Variants in MGAT4C observed in about 807,000 individuals in gnomAD.
The protein encoded by MGAT4C is alpha-1,3-mannosyl-glycoprotein 4-beta-N-acetylglucosaminyltransferase C.
A neutral mutation model predicts 40.1 loss-of-function variants in MGAT4C; 19 were observed. The observed-to-expected ratio is 0.47, with a 90% confidence interval of 0.33 to 0.70. The LOEUF is 0.70. Ranked by LOEUF, MGAT4C falls within the 30% of genes least tolerant of loss-of-function variation. The pLI, the probability that MGAT4C is intolerant of heterozygous loss-of-function variation, is 0.02. For synonymous variants in MGAT4C, 181 were observed against 187.1 expected, an observed-to-expected ratio of 0.97 and a Z score of 0.27; for missense variants, 491 against 563.2, an observed-to-expected ratio of 0.87 and a Z score of 1.30.
intron 3 of MGAT4C, among the ~76,000 whole-genome samples, chr12:86,387,050 TG>T (rs1956065088): frequency 6.6e-6 from 1 of 152,168 alleles, no homozygotes; most frequent in Non-Finnish European, 1.5e-5. Context: ...GCTTAAATAT[TG>T]TCATAATTTT....
In MGAT4C at chr12:86,442,441, T is replaced by C. The variant is rs573997763; in HGVS notation, c.-228-7176A>G. 7.2e-5 allele frequency among the ~76,000 whole-genome samples: 11 copies of C among 152,258 alleles called. No individual in the cohort carries two copies. In the South Asian group the frequency reaches 2.1e-3, roughly 29 times the overall value. On this transcript the variant is annotated intron_variant, in intron 2 of 7. Coordinates refer to the MGAT4C transcript ENST00000548651. ...GCTCATGCCTATGTCCTGAATGGTA[T>C]TGACTAAGTTTTTTTCTAGGGTTTT... is the stretch of plus-strand genomic sequence containing the variant.
chr12:86,036,946 T>TATTA (rs1891297868), intron 2 of MGAT4C, among the ~76,000 whole-genome samples: 1 of 148,920 alleles, frequency 6.7e-6, no homozygotes, highest in Non-Finnish European at 1.5e-5. Context: ...GTTGGTAGGC[T>TATTA]ATTACTGCCT....
chr12:86,766,925 G>T (rs1349855472), intron 1 of MGAT4C, among the ~76,000 whole-genome samples: 1 of 151,834 alleles, frequency 6.6e-6, no homozygotes, highest in Non-Finnish European at 1.5e-5. Flanking sequence ...AGGAAAGATA[G>T]AAAATTGACA....
At chr12:85,982,395 G>T (rs1884704256) in intron 4 of MGAT4C, among the ~76,000 whole-genome samples, 1 of 152,078 alleles carries the variant, frequency 6.6e-6, no homozygotes, top group African/African-American at 2.4e-5. Context: ...CACCATGTTG[G>T]CCAGGCTTGT....
At chr12:86,010,956 T>C (rs1888408091) in intron 2 of MGAT4C, among the ~76,000 whole-genome samples, 1 of 152,210 alleles carries the variant, frequency 6.6e-6, no homozygotes, top group South Asian at 2.1e-4. Context: ...CATGTTGTGA[T>C]GTAGCATGAG....
At chr12:86,298,346 T>C (rs766657059) in intron 4 of MGAT4C, among the ~76,000 whole-genome samples, 9 of 152,176 alleles carry the variant, frequency 5.9e-5, no homozygotes, top group Admixed American at 1.3e-4. Context: ...ATAATATTTA[T>C]TTCTTACAGG....
chr12:86,674,051 C>T (rs756015424), intron 2 of MGAT4C, among the ~76,000 whole-genome samples: 14 of 151,936 alleles, frequency 9.2e-5, no homozygotes, highest in Non-Finnish European at 1.8e-4. Context: ...TAAACGTTTA[C>T]AAGTTTAGCA....
At chr12:86,768,353 C>T (rs560843723) in intron 1 of MGAT4C, among the ~76,000 whole-genome samples, 8 of 152,006 alleles carry the variant, frequency 5.3e-5, no homozygotes, top group Non-Finnish European at 1.0e-4. Flanking sequence ...AACCACTGCT[C>T]AATGAAATAA....
intron 1 of MGAT4C, among the ~76,000 whole-genome samples, chr12:86,774,677 C>T (rs1951722798): frequency 6.6e-6 from 1 of 151,974 alleles, no homozygotes; most frequent in Non-Finnish European, 1.5e-5. Flanking sequence ...CTTTCCTTAA[C>T]CTGTTAATAT....
At chr12:86,466,192 G>A (rs1221151199) in intron 2 of MGAT4C, among the ~76,000 whole-genome samples, 2 of 144,110 alleles carry the variant, frequency 1.4e-5, no homozygotes, top group East Asian at 4.2e-4. Context: ...CTGGGGGCAA[G>A]AGATCAAGAC....
chr12:86,711,640 T>C (rs1408240561), intron 2 of MGAT4C, among the ~76,000 whole-genome samples: 1 of 151,932 alleles, frequency 6.6e-6, no homozygotes, highest in Non-Finnish European at 1.5e-5. Context: ...AAAGGATAAA[T>C]GGAAGAAAAA....
At position 86,610,561 on chromosome 12, in the gene MGAT4C, G is replaced by GTT. The variant is rs62949460; in HGVS notation, c.-229+116646_-229+116647dup. Among the ~76,000 whole-genome samples the GTT allele has an allele frequency of 1.8e-3, 268 of 149,636 alleles. 2 individuals are homozygous for GTT. The highest frequency in any genetic ancestry group is 0.018 in the Middle Eastern group (5 of 284). On this transcript the variant is annotated intron_variant, in intron 2 of 7. Coordinates refer to the MGAT4C transcript ENST00000548651. The stretch of plus-strand genomic sequence containing the variant: ...AAGGGCAACAGTTTTTTTGTTTTTT[G>GTT]TTTTTTTTTCATTTTCTTTCTTTTT...
intron 3 of MGAT4C, among the ~76,000 whole-genome samples, chr12:86,430,450 C>T (rs114846108): frequency 1.3e-5 from 2 of 152,028 alleles, no homozygotes; most frequent in Non-Finnish European, 2.9e-5. Context: ...TTTGGAAAAG[C>T]CAGCTGGGGA....
chr12:86,821,696 C>T (rs1329541518), intron 1 of MGAT4C, among the ~76,000 whole-genome samples: 1 of 150,904 alleles, frequency 6.6e-6, no homozygotes, highest in Non-Finnish European at 1.5e-5. Flanking sequence ...TTAGAACTGT[C>T]TGTTTGCTGC....
intron 1 of MGAT4C, among the ~76,000 whole-genome samples, chr12:86,051,338 A>G (rs2136968804): frequency 6.6e-6 from 1 of 152,098 alleles, no homozygotes; most frequent in Non-Finnish European, 1.5e-5. Flanking sequence ...AAGACTGATG[A>G]ACAAAATGGA....
rs541568085 is a variant in MGAT4C, at chr12:86,747,771, A to AT, written c.-261-20531dup. On this transcript the variant is annotated intron_variant, in intron 1 of 7. Coordinates refer to the MGAT4C transcript ENST00000548651. The stretch of plus-strand genomic sequence containing the variant: ...TATGTTCAGTGGTAGCTGGAAGGAA[A>AT]TTTTTTTTTTTAAAAAAAAGCTGGT... Among the ~76,000 whole-genome samples, 158 of 149,074 alleles carry AT rather than the reference A, an allele frequency of 1.1e-3. 1 individual carries two copies. The highest frequency in any genetic ancestry group is 3.0e-3 in the African/African-American group (121 of 40,896).
At chr12:86,754,116 A>C (rs1247537061) in intron 1 of MGAT4C, among the ~76,000 whole-genome samples, 1 of 152,180 alleles carries the variant, frequency 6.6e-6, no homozygotes, top group African/African-American at 2.4e-5. Context: ...GAAAGAATAC[A>C]TAATTTGTGA....
chr12:86,180,762 T>G (rs1888025352), intron 1 of MGAT4C, among the ~76,000 whole-genome samples: 1 of 152,188 alleles, frequency 6.6e-6, no homozygotes, highest in African/African-American at 2.4e-5. Flanking sequence ...ATCTAGGAAA[T>G]AACTAGCTTG....
chr12:86,645,365 T>C (rs938782495), intron 2 of MGAT4C, among the ~76,000 whole-genome samples: 2 of 151,658 alleles, frequency 1.3e-5, no homozygotes, highest in African/African-American at 4.8e-5. Context: ...TACAAAATGA[T>C]AAGCAACATT....
Sources: allele counts gnomAD v4.1 joint callset (sites outside exome capture counted in the v4.1 genomes callset), GRCh38; gene constraint gnomAD v4.1.1; transcripts MANE v1.5; gene names NCBI Gene and HGNC (gene_info 2026-07-23, HGNC 2026-07-21).